CALCOCO2: variants seen among roughly 807,000 people sequenced by gnomAD.
CALCOCO2 encodes the protein calcium binding and coiled-coil domain 2.
A neutral mutation model predicts 62.5 loss-of-function variants in CALCOCO2; 42 were observed. That is an observed-to-expected ratio of 0.67 (90% CI 0.53 to 0.87). CALCOCO2 has a LOEUF of 0.87. CALCOCO2 is among the 40% of genes least tolerant of loss of function. CALCOCO2 has a pLI of 0.00. For missense variants in CALCOCO2, 456 were observed against 515.0 expected (o/e 0.89, Z 1.11); for synonymous variants, 167 against 173.0 (o/e 0.97, Z 0.27).
chr17:48,859,571 A>G (rs2040296941), intron 10 of CALCOCO2, among the ~76,000 whole-genome samples: 2 of 152,106 alleles, frequency 1.3e-5, no homozygotes, highest in East Asian at 3.9e-4. Context: ...CCCGCACTCC[A>G]GCCTGGGTGA....
chr17:48,863,058 C>A lies in CALCOCO2; in HGVS notation c.*53C>A. 7.6e-7 allele frequency: 1 copy of A among 1,311,808 alleles called. No individual in the cohort carries two copies. The highest frequency in any genetic ancestry group is 1.1e-6 in the Non-Finnish European group (1 of 905,350). 81.3% of individuals were successfully genotyped at this position (1,311,808 alleles called of 1,614,324 possible). A position where few individuals can be genotyped will look rare whatever the true frequency, so the allele number is the denominator to read the frequency against. On this transcript the variant is annotated 3_prime_UTR_variant, in exon 13 of 13. Transcript: ENST00000258947. ...AGATTTTATAGAATAGAACCTATAG[C>A]TTCTACCATGAGTTATATGAGTCAA...
chr17:48,850,472 CA>C (rs1258663882), intron 5 of CALCOCO2, among the ~76,000 whole-genome samples: 1 of 151,668 alleles, frequency 6.6e-6, no homozygotes, highest in African/African-American at 2.4e-5. Context: ...AAATTAAAAA[CA>C]AAAAATATAT....
At chr17:48,851,817 C>T (rs1160699705) in intron 7 of CALCOCO2, 189 bp downstream of exon 7, 2 of 510,816 alleles carry the variant, frequency 3.9e-6, no homozygotes, top group South Asian at 2.8e-5. Context: ...TACCCATGCC[C>T]CTGCTTTTAA....
intron 9 of CALCOCO2, among the ~76,000 whole-genome samples, chr17:48,853,685 G>A (rs866421322): frequency 5.9e-5 from 9 of 152,204 alleles, no homozygotes; most frequent in African/African-American, 2.2e-4. Context: ...GTAGAACAAA[G>A]TTTGCAAATC....
chr17:48,837,618 C>A (rs938746453), intron 1 of CALCOCO2, among the ~76,000 whole-genome samples: 8 of 151,890 alleles, frequency 5.3e-5, no homozygotes, highest in African/African-American at 2.4e-5. Context: ...TGCACTCCAG[C>A]CTGGGGAACA....
intron 4 of CALCOCO2, 132 bp from the exon 5 acceptor site, chr17:48,849,120 G>C: frequency 1.3e-6 from 1 of 786,304 alleles, no homozygotes; most frequent in Non-Finnish European, 2.1e-6. Flanking sequence ...AGGTATTAAG[G>C]AGCAGCCCCC....
At position 48,852,623 on chromosome 17, in the gene CALCOCO2, G is replaced by C; in HGVS notation, c.820G>C (p.Glu274Gln). ...TGACCACCTCTTTCTCAGTTTAACT[G>C]AACAGGTAGAGTCATGAGAGAAAAC... ...ENDHLFLSLT[E>Q]QRKDQKKLEQ... Residue 274 changes from glutamate (E) to glutamine (Q), a missense_variant, in exon 8 of 13, where the codon GAA becomes CAA. By Grantham distance (29) the Glu-to-Gln change is conservative (BLOSUM62 2). This residue lies in a region of CALCOCO2 where 172 missense variants were observed against 210.3 expected (regional missense o/e 0.82). Transcript: ENST00000258947. The C allele has an allele frequency of 6.2e-7, 1 of 1,613,638 alleles. No homozygotes were observed. The highest frequency in any genetic ancestry group is 1.1e-5 in the South Asian group (1 of 91,008).
intron 2 of CALCOCO2, chr17:48,846,192 A>C: frequency 1.6e-6 from 1 of 640,626 alleles, no homozygotes; most frequent in Non-Finnish European, 2.6e-6. Context: ...GCTGGAGTGC[A>C]GAGGTGCAAT....
At chr17:48,861,661 G>GTGTATATATATATATATATATA (rs573456839) in intron 11 of CALCOCO2, among the ~76,000 whole-genome samples, 17 of 135,158 alleles carry the variant, frequency 1.3e-4, no homozygotes, top group African/African-American at 4.7e-4. Context: ...ATGTGTGTGT[G>GTGTATATATATATATATATATA]TATATATATA....
At position 48,841,990 on chromosome 17, in the gene CALCOCO2, G is replaced by A. The variant is rs1226181047; in HGVS notation, c.180+103G>A. ...ATTATAAGCATTTTGTATAATATGT[G>A]TTGGCAGTTTTTAAATTCTAGCCAA... On this transcript the variant is annotated intron_variant, in intron 2 of 12. Transcript: ENST00000258947. 6 of 794,702 alleles carry A rather than the reference G, an allele frequency of 7.5e-6. No homozygotes were observed. The East Asian group carries it at 1.4e-4, about 18-fold the overall frequency. 49.2% of individuals were successfully genotyped at this position (794,702 alleles called of 1,614,324 possible). A position where few individuals can be genotyped will look rare whatever the true frequency, so the allele number is the denominator to read the frequency against.
At chr17:48,853,465 G>A (rs1228605049) in intron 9 of CALCOCO2, among the ~76,000 whole-genome samples, 1 of 152,186 alleles carries the variant, frequency 6.6e-6, no homozygotes, top group Non-Finnish European at 1.5e-5. Flanking sequence ...ATAATTTCCT[G>A]TAATATATTG....
intron 1 of CALCOCO2, among the ~76,000 whole-genome samples, chr17:48,838,511 G>T (rs1436873536): frequency 6.6e-6 from 1 of 151,842 alleles, no homozygotes; most frequent in Non-Finnish European, 1.5e-5. Context: ...TTAGGAGATC[G>T]AGACCATCCT....
chr17:48,843,035 A>G (rs964734596), intron 2 of CALCOCO2, among the ~76,000 whole-genome samples: 1 of 152,178 alleles, frequency 6.6e-6, no homozygotes, highest in East Asian at 1.9e-4. Flanking sequence ...TTTTGATACA[A>G]ATACCTCAAA....
intron 11 of CALCOCO2, among the ~76,000 whole-genome samples, chr17:48,860,810 G>A (rs1173788953): frequency 6.6e-6 from 1 of 152,136 alleles, no homozygotes; most frequent in African/African-American, 2.4e-5. Flanking sequence ...ATGCCGCCCA[G>A]GAACTAGCAG....
rs1325739537 is a variant in CALCOCO2, at chr17:48,854,409, T to A, written c.912+1397T>A. Among the ~76,000 whole-genome samples, 56 of 35,700 alleles carry A rather than the reference T, an allele frequency of 1.6e-3. 5 individuals are homozygous for A. In the East Asian group the frequency reaches 0.024, roughly 16 times the overall value. 23.4% of individuals were successfully genotyped at this position (35,700 alleles called of 152,430 possible). ...ATATATATATATATTTTTTTTTTTT[T>A]TTTTTTTTTTTTTTTTGAGACAGTC... On this transcript the variant is annotated intron_variant, in intron 9 of 12. Transcript: ENST00000258947.
At chr17:48,834,281 G>A (rs2039860337) in intron 1 of CALCOCO2, among the ~76,000 whole-genome samples, 2 of 152,062 alleles carry the variant, frequency 1.3e-5, no homozygotes, top group African/African-American at 4.8e-5. Context: ...GAAGCTAGGA[G>A]ACAGTTCAGG....
At chr17:48,844,979 T>C (rs1288942142) in intron 2 of CALCOCO2, among the ~76,000 whole-genome samples, 1 of 151,942 alleles carries the variant, frequency 6.6e-6, no homozygotes, top group Non-Finnish European at 1.5e-5. Context: ...CTACTAAAAA[T>C]ACAAAAATTA....
At chr17:48,852,352 G>A in intron 7 of CALCOCO2, 154 bp from the exon 8 acceptor site, 1 of 616,094 alleles carries the variant, frequency 1.6e-6, no homozygotes, top group Non-Finnish European at 2.9e-6. Flanking sequence ...GCCTTAAAGA[G>A]GTGCTTTAAA....
intron 2 of CALCOCO2, chr17:48,845,988 C>T (rs1031711817): frequency 1.9e-5 from 15 of 806,832 alleles, no homozygotes; most frequent in Admixed American, 2.8e-5. Flanking sequence ...TGTAAAGTTT[C>T]GTCCTTTGCA....
Sources: gnomAD v4.1 joint callset for allele counts (sites outside exome capture counted in the v4.1 genomes callset) on GRCh38, gnomAD v4.1.1 for gene constraint, gnomAD v4.1.1 regional missense constraint, MANE v1.5 for transcripts, NCBI Gene and HGNC (gene_info 2026-07-23, HGNC 2026-07-21) for gene names.